The following QSOX1 variants were observed in gnomAD, a reference collection of about 807,000 sequenced individuals.
QSOX1 encodes quiescin sulfhydryl oxidase 1.
A neutral mutation model predicts 76.1 loss-of-function variants in QSOX1; 40 were observed. That is an observed-to-expected ratio of 0.53 (90% CI 0.41 to 0.68). QSOX1 has a LOEUF of 0.68. Among genes scored for constraint, QSOX1 ranks in the 30% least tolerant of loss-of-function variants. The pLI, the probability that QSOX1 is intolerant of heterozygous loss-of-function variation, is 0.00. For synonymous variants in QSOX1, 392 were observed against 413.1 expected, an observed-to-expected ratio of 0.95 and a Z score of 0.62; for missense variants, 931 against 974.3, an observed-to-expected ratio of 0.96 and a Z score of 0.59.
At chr1:180,156,978 C>G (rs1210073391) in intron 1 of QSOX1, among the ~76,000 whole-genome samples, 1 of 152,208 alleles carries the variant, frequency 6.6e-6, no homozygotes. Flanking sequence ...TTCCAGCTGA[C>G]TCACATGTTT....
intron 1 of QSOX1, among the ~76,000 whole-genome samples, chr1:180,164,433 C>G (rs1241195049): frequency 2.0e-5 from 3 of 152,226 alleles, no homozygotes; most frequent in Non-Finnish European, 4.4e-5. Context: ...ACCCACCTCC[C>G]TCCTTCGAGG....
chr1:180,159,097 C>T (rs1267693582), intron 1 of QSOX1, among the ~76,000 whole-genome samples: 1 of 152,224 alleles, frequency 6.6e-6, no homozygotes, highest in Admixed American at 6.5e-5. Flanking sequence ...ACAACACCCC[C>T]TACCAGAGGG....
chr1:180,163,300 C>G (rs1251649407), intron 1 of QSOX1, among the ~76,000 whole-genome samples: 1 of 152,152 alleles, frequency 6.6e-6, no homozygotes, highest in Non-Finnish European at 1.5e-5. Flanking sequence ...CTCTTTTTCC[C>G]TTAATTAAAA....
Position 180,197,899 on chromosome 1 carries a change from TTCTC to T in QSOX1, c.*867_*870del. ...GGTAGAAGCTAGGGAGGGGAGTGTC[TTCTC>T]TCTCCAGGTTTCACCTTCCAGTGTG... is the stretch of plus-strand genomic sequence containing the variant. On this transcript the variant is annotated 3_prime_UTR_variant, in exon 12 of 12. Coordinates refer to ENST00000367602, the MANE Select transcript of QSOX1 (RefSeq NM_002826.5). 3.2e-6 allele frequency: 1 copy of T among 310,698 alleles called. No individual in the cohort carries two copies. The highest frequency in any genetic ancestry group is 2.7e-5 in the South Asian group (1 of 36,918). 19.2% of individuals were successfully genotyped at this position (310,698 alleles called of 1,614,324 possible).
At chr1:180,189,839 T>C (rs1348526141) in intron 9 of QSOX1, among the ~76,000 whole-genome samples, 165 bp downstream of exon 9, 1 of 152,222 alleles carries the variant, frequency 6.6e-6, no homozygotes, top group African/African-American at 2.4e-5. Context: ...TTGAGCTCTC[T>C]ATGCGCACAT....
chr1:180,161,137 G>T (rs114022647), intron 1 of QSOX1, among the ~76,000 whole-genome samples: 16,484 of 151,996 alleles, frequency 0.11, 1,209 homozygotes, highest in Middle Eastern at 0.2. Context: ...CTCCAGCCTG[G>T]ATGACAGAGC....
chr1:180,171,539 G>T (rs986970258), intron 2 of QSOX1, among the ~76,000 whole-genome samples: 3 of 152,180 alleles, frequency 2.0e-5, no homozygotes, highest in African/African-American at 7.2e-5. Flanking sequence ...GGTTCAGATG[G>T]CAAATCATTT....
At position 180,184,000 on chromosome 1, in the gene QSOX1, A is replaced by G; in HGVS notation, c.837A>G (p.Ala279=). 6.8e-6 allele frequency: 11 copies of G among 1,614,120 alleles called. No homozygotes were observed. Among genetic ancestry groups the G allele is most frequent in the Non-Finnish European group, 9.3e-6 (11 of 1,180,006 alleles). Residue 279 remains alanine, a synonymous_variant, in exon 7 of 12, where the codon GCA becomes GCG. Coordinates refer to ENST00000367602, the MANE Select transcript of QSOX1 (RefSeq NM_002826.5). Reference sequence around the variant, plus strand: ...GGGAGGCTGCCCAGACCACAGTTGCACCAACCACTGCTAACAAGATAGCTC... The same window carrying G: ...GGGAGGCTGCCCAGACCACAGTTGCGCCAACCACTGCTAACAAGATAGCTC... ...LTREAAQTTV[A]PTTANKIAPT...
At position 180,190,487 on chromosome 1, in the gene QSOX1, C is replaced by G. The variant is rs143670617; in HGVS notation, c.1195C>G (p.His399Asp). Residue 399 changes from histidine (H) to aspartate (D), a missense_variant, in exon 10 of 12, where the codon CAT (histidine) becomes GAT (aspartate). Coordinates refer to ENST00000367602, the MANE Select transcript of QSOX1 (RefSeq NM_002826.5). ...NWIGCQGSEP[H>D]FRGFPCSLWV... ...GATTGGCTGCCAGGGGAGTGAGCCG[C>G]ATTTCCGGGGCTTTCCCTGCTCCCT... 1 of 1,614,124 alleles carries G rather than the reference C, an allele frequency of 6.2e-7. No homozygotes were observed. The highest frequency in any genetic ancestry group is 8.5e-7 in the Non-Finnish European group (1 of 1,179,938).
intron 9 of QSOX1, 80 bp from the exon 10 acceptor site, chr1:180,190,353 T>C: frequency 2.7e-6 from 4 of 1,477,900 alleles, no homozygotes; most frequent in Non-Finnish European, 3.8e-6. Flanking sequence ...GTCTTAGGGC[T>C]GTCTCCTAGA....
At chr1:180,173,823 A>C (rs1404130849) in intron 2 of QSOX1, among the ~76,000 whole-genome samples, 1 of 152,238 alleles carries the variant, frequency 6.6e-6, no homozygotes, top group Non-Finnish European at 1.5e-5. Flanking sequence ...ACTAGGTACC[A>C]TGCTAAGCAC....
intron 10 of QSOX1, among the ~76,000 whole-genome samples, chr1:180,192,707 G>A (rs527758155): frequency 5.3e-4 from 80 of 152,242 alleles, no homozygotes; most frequent in African/African-American, 1.6e-3. Context: ...TCAATGGCCC[G>A]CTTTGTGTCA....
At chr1:180,178,929 G>T (rs1189158564) in intron 5 of QSOX1, 45 bp downstream of exon 5, 3 of 1,543,834 alleles carry the variant, frequency 1.9e-6, no homozygotes, top group African/African-American at 1.4e-5. Context: ...TAGCCATGGA[G>T]AGAGAGCCCC....
chr1:180,174,476 G>A (rs1186895140), intron 2 of QSOX1, among the ~76,000 whole-genome samples: 1 of 152,228 alleles, frequency 6.6e-6, no homozygotes, highest in African/African-American at 2.4e-5. Context: ...CCTTGACTGT[G>A]TCTGCTGTGC....
Position 180,201,152 on chromosome 1 carries a change from C to T in QSOX1, c.*4115C>T, listed in dbSNP as rs1425747500. On this transcript the variant is annotated 3_prime_UTR_variant, in exon 12 of 12. Coordinates refer to ENST00000367602, the MANE Select transcript of QSOX1 (RefSeq NM_002826.5). ...TGCGGGTCCCTGCTAAATTCCTCTCCCTCTTCCTGGGATTCCCATCCATGT... is the reference window on the plus strand; with the variant it reads ...TGCGGGTCCCTGCTAAATTCCTCTCTCTCTTCCTGGGATTCCCATCCATGT... 1.3e-5 allele frequency: 2 copies of T among 152,172 alleles called. No individual in the cohort carries two copies. Among genetic ancestry groups the T allele is most frequent in the African/African-American group, 2.4e-5 (1 of 41,426 alleles). 9.4% of individuals were successfully genotyped at this position (152,172 alleles called of 1,614,324 possible). A position where few individuals can be genotyped will look rare whatever the true frequency, so the allele number is the denominator to read the frequency against.
chr1:180,196,562 C>A lies in QSOX1; in HGVS notation c.1769C>A (p.Thr590Lys), dbSNP rs778749101. 1.6e-5 allele frequency: 26 copies of A among 1,614,098 alleles called. No individual in the cohort carries two copies. In the South Asian group the frequency reaches 2.9e-4, roughly 18 times the overall value. ...PGKPEMMKSP[T>K]NTTPHVPAEG... Reference sequence around the variant, plus strand: ...AAGCCTGAGATGATGAAGTCCCCCACAAACACCACCCCACATGTGCCGGCT... The same window carrying A: ...AAGCCTGAGATGATGAAGTCCCCCAAAAACACCACCCCACATGTGCCGGCT... The change falls in exon 12 of 12, where the codon ACA becomes AAA. Residue 590 changes from threonine (T) to lysine (K), a missense_variant. Thr to Lys is a moderately conservative substitution (Grantham distance 78). Coordinates refer to ENST00000367602, the MANE Select transcript of QSOX1 (RefSeq NM_002826.5). The surrounding 1 kb of genome is among the most constrained non-coding windows in gnomAD (Gnocchi z 4.1).
intron 11 of QSOX1, among the ~76,000 whole-genome samples, chr1:180,195,560 C>T (rs1005502709): frequency 3.9e-5 from 6 of 152,184 alleles, no homozygotes; most frequent in Admixed American, 2.0e-4. Flanking sequence ...GTGGCCGTGG[C>T]TCACCCTCTG....
chr1:180,183,431 A>G (rs1167394986), intron 6 of QSOX1, among the ~76,000 whole-genome samples: 1 of 152,198 alleles, frequency 6.6e-6, no homozygotes, highest in Non-Finnish European at 1.5e-5. Flanking sequence ...CATTGTTGCT[A>G]CCTGTTTTTT....
At chr1:180,170,403 AT>A (rs1662732693) in intron 2 of QSOX1, among the ~76,000 whole-genome samples, 1 of 152,160 alleles carries the variant, frequency 6.6e-6, no homozygotes. Flanking sequence ...AGGCTGGACC[AT>A]TTTCCTTAAA....
Sources: gnomAD v4.1 joint callset for allele counts (sites outside exome capture counted in the v4.1 genomes callset) on GRCh38, gnomAD v4.1.1 for gene constraint, Gnocchi (gnomAD v3.1) non-coding constraint, MANE v1.5 for transcripts, NCBI Gene and HGNC (gene_info 2026-07-23, HGNC 2026-07-21) for gene names.